NPY2R: variants seen among roughly 807,000 people sequenced by gnomAD.
The protein encoded by NPY2R is neuropeptide Y receptor Y2.
Under a neutral mutation model 22.3 loss-of-function variants are expected in NPY2R, and 17 were observed. That is an observed-to-expected ratio of 0.76 (90% CI 0.52 to 1.14). The LOEUF (loss-of-function observed/expected upper bound fraction) is 1.14. Ranked by LOEUF, NPY2R falls within the 50% of genes most tolerant of loss-of-function variation. The probability of loss-of-function intolerance (pLI) is 0.00; values close to 1 mark genes in which losing one functional copy is unlikely to be tolerated. For synonymous variants in NPY2R, 209 were observed against 183.4 expected (o/e 1.14, Z -1.13); for missense variants, 424 against 467.9 (o/e 0.91, Z 0.87).
At chr4:155,175,205 C>T in the NPY2R span, among the ~76,000 whole-genome samples, 1 of 151,930 alleles carries the variant, frequency 6.6e-6, no homozygotes, top group Non-Finnish European at 1.5e-5. Flanking sequence ...AAACAAGATT[C>T]GGTTTTGCCA....
the NPY2R span, among the ~76,000 whole-genome samples, chr4:155,177,016 G>A: frequency 6.6e-5 from 10 of 152,136 alleles, no homozygotes; most frequent in Admixed American, 6.6e-5. Context: ...CACCAGAAGA[G>A]AAATTAAGTG....
chr4:155,206,861 G>A (rs1371957130), upstream of NPY2R: 3 of 152,122 alleles, frequency 2.0e-5, no homozygotes, highest in African/African-American at 4.8e-5. Context: ...CTCTTTTAAA[G>A]TTATAACTTA....
the NPY2R span, among the ~76,000 whole-genome samples, chr4:155,202,558 A>G: frequency 3.3e-5 from 5 of 152,144 alleles, no homozygotes; most frequent in Non-Finnish European, 7.4e-5. Context: ...GTATAATAAA[A>G]GAGTAATGAG....
Position 155,215,207 on chromosome 4 carries a change from A to G in NPY2R, c.*122A>G. On this transcript the variant is annotated 3_prime_UTR_variant, in exon 2 of 2. Coordinates refer to ENST00000329476, the MANE Select transcript of NPY2R (RefSeq NM_000910.4). Reference sequence around the variant, plus strand: ...AGAAGAAGTGGATCTAAATGGAAGCATCTGCTGTTTAATTCCTGGAAAACT... The same window carrying G: ...AGAAGAAGTGGATCTAAATGGAAGCGTCTGCTGTTTAATTCCTGGAAAACT... 1.1e-6 allele frequency: 1 copy of G among 951,188 alleles called. No individual in the cohort carries two copies. The highest frequency in any genetic ancestry group is 2.3e-4 in the Middle Eastern group (1 of 4,364). The allele number at this position is 951,188 out of a possible 1,614,324, so 58.9% of individuals were successfully genotyped here.
Position 155,214,585 on chromosome 4 carries a change from G to A in NPY2R, c.646G>A (p.Gly216Ser), listed in dbSNP as rs760048627. The change falls in exon 2 of 2, where the codon GGC (glycine) becomes AGC (serine). Residue 216 changes from glycine to serine, a missense_variant. Physicochemically the swap from Gly to Ser is moderately conservative, Grantham distance 56. Transcript: ENST00000329476. ...GCCTGGCGAGGAGAAGAGCATCTAT[G>A]GCACTGTCTATAGTCTTTCTTCCTT... ...KWPGEEKSIYGTVYSLSSLLI... is the reference protein window; with the variant it reads ...KWPGEEKSIYSTVYSLSSLLI... 5.8e-5 allele frequency: 93 copies of A among 1,614,076 alleles called. No individual in the cohort carries two copies. In the East Asian group the frequency reaches 2.0e-3, roughly 36 times the overall value.
the NPY2R span, among the ~76,000 whole-genome samples, chr4:155,194,736 T>C: frequency 3.4e-4 from 51 of 152,142 alleles, no homozygotes; most frequent in Non-Finnish European, 5.6e-4. Context: ...AGACAATTTA[T>C]ATTCCTTTGA....
rs1418876483 is a variant in NPY2R, at chr4:155,214,954, G to T, written c.1015G>T (p.Ala339Ser). The T allele has an allele frequency of 6.2e-6, 10 of 1,614,198 alleles. No homozygotes were observed. The highest frequency in any genetic ancestry group is 2.5e-6 in the Non-Finnish European group (3 of 1,180,030). Residue 339 changes from alanine (A) to serine (S), a missense_variant, in exon 2 of 2, where the codon GCC (alanine) becomes TCC (serine). Ala to Ser is a moderately conservative substitution (Grantham distance 99). Coordinates refer to ENST00000329476, the MANE Select transcript of NPY2R (RefSeq NM_000910.4). ...NSNYRKAFLS[A>S]FRCEQRLDAI... is the part of the protein sequence containing the mutation. Reference sequence around the variant, plus strand: ...CAACTACAGAAAGGCTTTCCTCTCGGCCTTCCGCTGTGAGCAGCGGTTGGA... The same window carrying T: ...CAACTACAGAAAGGCTTTCCTCTCGTCCTTCCGCTGTGAGCAGCGGTTGGA...
upstream of NPY2R, among the ~76,000 whole-genome samples, chr4:155,205,697 A>G (rs1280249094): frequency 6.6e-6 from 1 of 152,154 alleles, no homozygotes; most frequent in Non-Finnish European, 1.5e-5. Context: ...TCTATGGGGT[A>G]GGGGAAATGG....
At chr4:155,195,983 A>C in the NPY2R span, among the ~76,000 whole-genome samples, 38 of 152,168 alleles carry the variant, frequency 2.5e-4, 2 homozygotes, top group Middle Eastern at 6.8e-3. Flanking sequence ...CGAAAGTTTT[A>C]TTCAAGTGTC....
chr4:155,189,496 T>G, the NPY2R span, among the ~76,000 whole-genome samples: 1 of 152,018 alleles, frequency 6.6e-6, no homozygotes, highest in Non-Finnish European at 1.5e-5. Flanking sequence ...CTTATCACCT[T>G]GTGACATAAT....
the NPY2R span, among the ~76,000 whole-genome samples, chr4:155,202,063 T>C: frequency 6.6e-6 from 1 of 152,190 alleles, no homozygotes; most frequent in African/African-American, 2.4e-5. Context: ...TTGGAAATTA[T>C]ACTTTGACAT....
At chr4:155,202,095 C>T in the NPY2R span, among the ~76,000 whole-genome samples, 2 of 152,048 alleles carry the variant, frequency 1.3e-5, no homozygotes, top group South Asian at 4.1e-4. Context: ...TGTTCTTCAC[C>T]ACTGGGTTCT....
the NPY2R span, among the ~76,000 whole-genome samples, chr4:155,181,921 T>C: frequency 6.6e-6 from 1 of 152,080 alleles, no homozygotes; most frequent in Non-Finnish European, 1.5e-5. Flanking sequence ...CAGGTTACCA[T>C]TAAAATGGGC....
chr4:155,199,150 A>G, the NPY2R span, among the ~76,000 whole-genome samples: 1 of 151,920 alleles, frequency 6.6e-6, no homozygotes, highest in Non-Finnish European at 1.5e-5. Context: ...TTCTATTTTC[A>G]TTGTGTATTC....
chr4:155,197,334 A>T, the NPY2R span, among the ~76,000 whole-genome samples: 2 of 151,958 alleles, frequency 1.3e-5, no homozygotes, highest in African/African-American at 2.4e-5. Context: ...AATAAACCTA[A>T]GGTCACAAAT....
At chr4:155,206,843 C>T (rs2111030447), upstream of NPY2R, 1 of 152,252 alleles carries the variant, frequency 6.6e-6, no homozygotes, top group South Asian at 2.1e-4. Flanking sequence ...TGTTTAAATC[C>T]ATTTCTACTC....
At chr4:155,185,884 G>A in the NPY2R span, among the ~76,000 whole-genome samples, 1 of 131,596 alleles carries the variant, frequency 7.6e-6, no homozygotes, top group Admixed American at 7.8e-5. Flanking sequence ...ACTTTTTCAG[G>A]GGTGAGTGAA....
chr4:155,197,248 A>G, the NPY2R span, among the ~76,000 whole-genome samples: 11 of 152,108 alleles, frequency 7.2e-5, no homozygotes, highest in East Asian at 2.1e-3. Context: ...CATTTTATAT[A>G]GGTTTTCAGT....
At chr4:155,185,908 G>A in the NPY2R span, among the ~76,000 whole-genome samples, 70,785 of 151,332 alleles carry the variant, frequency 0.47, 17,193 homozygotes, top group East Asian at 0.69. Flanking sequence ...TGTTTTTTTT[G>A]GTTTTGTCAG....
Sources: gnomAD v4.1 joint callset for allele counts (sites outside exome capture counted in the v4.1 genomes callset) on GRCh38, gnomAD v4.1.1 for gene constraint, MANE v1.5 for transcripts, NCBI Gene and HGNC (gene_info 2026-07-23, HGNC 2026-07-21) for gene names.